The following EPB41L3 variants were observed in gnomAD, a reference collection of about 807,000 sequenced individuals.
EPB41L3 encodes the protein band 4.1-like protein 3.
Under a neutral mutation model 127.1 loss-of-function variants are expected in EPB41L3, and 57 were observed. That is an observed-to-expected ratio of 0.45 (90% CI 0.36 to 0.56). The LOEUF (loss-of-function observed/expected upper bound fraction) is 0.56, where lower values mean the gene tolerates loss of function less well. Ranked by LOEUF, EPB41L3 falls within the 20% of genes least tolerant of loss-of-function variation. The probability of loss-of-function intolerance (pLI) is 0.00; values close to 1 mark genes in which losing one functional copy is unlikely to be tolerated. For synonymous variants in EPB41L3, 572 were observed against 549.5 expected, an observed-to-expected ratio of 1.04 and a Z score of -0.57; for missense variants, 1,273 against 1,372.2, an observed-to-expected ratio of 0.93 and a Z score of 1.14.
chr18:5,592,433 G>A (rs1216583389), intron 3 of EPB41L3, among the ~76,000 whole-genome samples: 1 of 152,158 alleles, frequency 6.6e-6, no homozygotes, highest in Non-Finnish European at 1.5e-5. Context: ...CCAAAGTGCT[G>A]GGACTACAGG....
At chr18:5,409,172 C>A (rs2075880302) in intron 14 of EPB41L3, among the ~76,000 whole-genome samples, 1 of 152,126 alleles carries the variant, frequency 6.6e-6, no homozygotes, top group Non-Finnish European at 1.5e-5. Context: ...TGGTGACACA[C>A]CCATTCTTCA....
chr18:5,436,614 T>C (rs2079872484), intron 6 of EPB41L3, among the ~76,000 whole-genome samples: 1 of 152,018 alleles, frequency 6.6e-6, no homozygotes. Flanking sequence ...TTCACCGTGT[T>C]AGCCAGGATG....
chr18:5,504,968 A>C (rs2092032970), intron 1 of EPB41L3, among the ~76,000 whole-genome samples: 1 of 152,002 alleles, frequency 6.6e-6, no homozygotes, highest in African/African-American at 2.4e-5. Flanking sequence ...CATTTCCCCA[A>C]GCACTCCTTA....
At chr18:5,617,040 CTG>C (rs1461966748) in intron 1 of EPB41L3, among the ~76,000 whole-genome samples, 8 of 152,190 alleles carry the variant, frequency 5.3e-5, no homozygotes, top group African/African-American at 1.9e-4. Context: ...TAATGCCTAA[CTG>C]TTTTTCAATA....
At position 5,434,106 on chromosome 18, in the gene EPB41L3, C is replaced by T. The variant is rs761802740; in HGVS notation, c.621G>A (p.Leu207=). 3 of 1,613,946 alleles carry T rather than the reference C, an allele frequency of 1.9e-6. No homozygotes were observed. The South Asian group carries it at 3.3e-5, about 18-fold the overall frequency. ...SEDITRYYLC[L]QLRDDIVSGR... Reference sequence around the variant, plus strand: ...CGGACACGATGTCATCTCGCAACTGCAAGCAGAGGTAGTACCTTCCAGGAA... The same window carrying T: ...CGGACACGATGTCATCTCGCAACTGTAAGCAGAGGTAGTACCTTCCAGGAA... The change falls in exon 7 of 23, where the codon TTG becomes TTA. Residue 207 remains leucine, a synonymous_variant. Transcript: ENST00000341928.
At chr18:5,587,213 T>C (rs1338771157) in intron 3 of EPB41L3, among the ~76,000 whole-genome samples, 2 of 152,126 alleles carry the variant, frequency 1.3e-5, no homozygotes, top group Non-Finnish European at 2.9e-5. Flanking sequence ...CAAATGACCG[T>C]GGGCGTTAGA....
In EPB41L3 at chr18:5,495,732, T is replaced by C. The variant is rs927681274; in HGVS notation, c.-11-6538A>G. On this transcript the variant is annotated intron_variant, in intron 1 of 22. Transcript: ENST00000341928. ...AATAAATAAGAGCGCAGGGAGGCAC[T>C]GTGACGGGGCAGGAAAAGTGGGTTC... Among the ~76,000 whole-genome samples, 24 of 152,238 alleles carry C rather than the reference T, an allele frequency of 1.6e-4. 1 individual carries two copies. The highest frequency in any genetic ancestry group is 6.5e-4 in the Admixed American group (10 of 15,284).
At chr18:5,432,725 C>A (rs562465328) in intron 8 of EPB41L3, among the ~76,000 whole-genome samples, 1 of 152,282 alleles carries the variant, frequency 6.6e-6, no homozygotes, top group African/African-American at 2.4e-5. Flanking sequence ...CGACTGTAAC[C>A]CTCCTACAGT....
chr18:5,408,273 CTTT>C (rs1208956534), intron 14 of EPB41L3, among the ~76,000 whole-genome samples: 8 of 50,488 alleles, frequency 1.6e-4, no homozygotes, highest in South Asian at 6.9e-4. Context: ...TTTCTTTTTT[CTTT>C]TTTTTTTTTT....
Position 5,397,330 on chromosome 18 carries a change from A to G in EPB41L3, c.2569T>C (p.Leu857=). 1 of 1,613,934 alleles carries G rather than the reference A, an allele frequency of 6.2e-7. No individual in the cohort carries two copies. Among genetic ancestry groups the G allele is most frequent in the Middle Eastern group, 1.7e-4 (1 of 6,060 alleles). The change falls in exon 18 of 23, where the codon TTG becomes CTG. Residue 857 remains leucine (L), a synonymous_variant. Transcript: ENST00000341928. The surrounding 1 kb of genome is among the most constrained non-coding windows in gnomAD (Gnocchi z 4.1). ...STEKVVQETV[L]VEERRVVHAS... is the part of the protein sequence containing the mutation. ...TGCACCACACGCCGCTCCTCCACCAACACGGTCTCCTGCACCACCTTCTCA... is the reference window on the plus strand; with the variant it reads ...TGCACCACACGCCGCTCCTCCACCAGCACGGTCTCCTGCACCACCTTCTCA...
At chr18:5,437,057 G>A (rs1208739599) in intron 6 of EPB41L3, among the ~76,000 whole-genome samples, 1 of 152,180 alleles carries the variant, frequency 6.6e-6, no homozygotes, top group Non-Finnish European at 1.5e-5. Flanking sequence ...CTGAGCAAGA[G>A]AGTAGGGGTT....
At chr18:5,522,762 T>C (rs1022490715) in intron 1 of EPB41L3, among the ~76,000 whole-genome samples, 2 of 152,114 alleles carry the variant, frequency 1.3e-5, no homozygotes, top group African/African-American at 4.8e-5. Context: ...TCTTAAACAA[T>C]GAAAAATGAT....
chr18:5,597,848 C>T (rs1232953462), intron 3 of EPB41L3, among the ~76,000 whole-genome samples: 1 of 152,146 alleles, frequency 6.6e-6, no homozygotes, highest in Non-Finnish European at 1.5e-5. Flanking sequence ...GGAAGCTGCT[C>T]TTCACACCAC....
chr18:5,425,824 A>C (rs977298772), intron 9 of EPB41L3, among the ~76,000 whole-genome samples: 3 of 152,212 alleles, frequency 2.0e-5, no homozygotes, highest in East Asian at 1.9e-4. Context: ...TTTAGGAAGC[A>C]GAAGCCACGA....
intron 5 of EPB41L3, among the ~76,000 whole-genome samples, chr18:5,441,835 T>C (rs773330301): frequency 1.3e-5 from 2 of 152,236 alleles, no homozygotes; most frequent in East Asian, 1.9e-4. Flanking sequence ...GTTTTCTTTA[T>C]GGCAAAGTCA....
chr18:5,501,549 A>G (rs2091749168), intron 1 of EPB41L3, among the ~76,000 whole-genome samples: 1 of 152,198 alleles, frequency 6.6e-6, no homozygotes, highest in Admixed American at 6.5e-5. Context: ...TCTGTAGCCC[A>G]AAGCCAAATT....
At chr18:5,600,499 G>C (rs549508789) in intron 3 of EPB41L3, among the ~76,000 whole-genome samples, 2 of 152,114 alleles carry the variant, frequency 1.3e-5, no homozygotes, top group East Asian at 3.9e-4. Flanking sequence ...CATAAAAAAA[G>C]AGTATATTCA....
intron 1 of EPB41L3, among the ~76,000 whole-genome samples, chr18:5,521,705 A>C (rs149697950): frequency 1.1e-3 from 160 of 152,276 alleles, no homozygotes; most frequent in African/African-American, 3.8e-3. Context: ...ATATCTACCT[A>C]ACACAGATGT....
In EPB41L3 at chr18:5,415,854, G is replaced by GGAGGC. The variant is rs1423309132; in HGVS notation, c.2026_2030dup (p.Leu678ProfsTer3). 6.2e-7 allele frequency: 1 copy of GGAGGC among 1,613,378 alleles called. No individual in the cohort carries two copies. Among genetic ancestry groups the GGAGGC allele is most frequent in the Non-Finnish European group, 8.5e-7 (1 of 1,179,884 alleles). ...AACTGTCACTCGGGTCATTGTCTAG[G>GGAGGC]GAGGCGCTCAAGGAGGCCGCCTTGG... On this transcript the variant is annotated frameshift_variant, in exon 13 of 23. Transcript: ENST00000341928. LOFTEE classifies it high-confidence loss of function.
Sources: gnomAD v4.1 joint callset for allele counts (sites outside exome capture counted in the v4.1 genomes callset) on GRCh38, gnomAD v4.1.1 for gene constraint, Gnocchi (gnomAD v3.1) non-coding constraint, MANE v1.5 for transcripts, NCBI Gene and HGNC (gene_info 2026-07-23, HGNC 2026-07-21) for gene names.